PLXNA4: variants seen among roughly 807,000 people sequenced by gnomAD.
The protein encoded by PLXNA4 is plexin-A4.
Under a neutral mutation model 191.8 loss-of-function variants are expected in PLXNA4, and 44 were observed. The observed-to-expected ratio is 0.23, with a 90% CI of 0.18 to 0.29. PLXNA4 has a LOEUF of 0.29. Among genes scored for constraint, PLXNA4 ranks in the 10% least tolerant of loss-of-function variants. PLXNA4 has a pLI of 1.00. For synonymous variants in PLXNA4, 1,082 were observed against 1,009.5 expected, an observed-to-expected ratio of 1.07 and a Z score of -1.36; for missense variants, 1,800 against 2,488.8, an observed-to-expected ratio of 0.72 and a Z score of 5.89.
chr7:132,555,607 C>T (rs563488531), intron 1 of PLXNA4, among the ~76,000 whole-genome samples: 1 of 152,150 alleles, frequency 6.6e-6, no homozygotes, highest in South Asian at 2.1e-4. Flanking sequence ...TAGAGCAGTC[C>T]CTTATTTTAC....
intron 2 of PLXNA4, among the ~76,000 whole-genome samples, chr7:132,638,970 G>A (rs1443081843): frequency 6.6e-6 from 1 of 152,096 alleles, no homozygotes; most frequent in Non-Finnish European, 1.5e-5. Context: ...AGGTCCTCAG[G>A]AATTACACCC....
chr7:132,510,225 A>C (rs571000752), intron 1 of PLXNA4, among the ~76,000 whole-genome samples: 1 of 152,300 alleles, frequency 6.6e-6, no homozygotes, highest in Admixed American at 6.5e-5. Flanking sequence ...AAAAGTAGAG[A>C]ATGAGAAGAG....
chr7:132,456,493 AAC>A (rs1255410215), intron 3 of PLXNA4, among the ~76,000 whole-genome samples: 2 of 152,168 alleles, frequency 1.3e-5, no homozygotes, highest in African/African-American at 4.8e-5. Flanking sequence ...GGAGGTACAG[AAC>A]TAAGCCAAAA....
upstream of PLXNA4, among the ~76,000 whole-genome samples, chr7:132,581,662 C>T (rs893611314): frequency 8.5e-5 from 13 of 152,146 alleles, no homozygotes; most frequent in Non-Finnish European, 1.6e-4. Flanking sequence ...GCTCTGCTGC[C>T]GTGCCATGGC....
intron 9 of PLXNA4, among the ~76,000 whole-genome samples, chr7:132,215,710 C>T (rs1443549989): frequency 6.6e-6 from 1 of 151,970 alleles, no homozygotes; most frequent in African/African-American, 2.4e-5. Flanking sequence ...ATCAATCATG[C>T]CTATGTAAAT....
chr7:132,358,056 A>T (rs1803782482), intron 3 of PLXNA4, among the ~76,000 whole-genome samples: 1 of 152,232 alleles, frequency 6.6e-6, no homozygotes, highest in Non-Finnish European at 1.5e-5. Context: ...GGAGATGAGG[A>T]TTTGTGAACA....
At chr7:132,270,478 A>G (rs1327583147) in intron 4 of PLXNA4, among the ~76,000 whole-genome samples, 1 of 152,244 alleles carries the variant, frequency 6.6e-6, no homozygotes, top group Admixed American at 6.5e-5. Context: ...GAGTTCAGAA[A>G]GTAAAGGTTG....
chr7:132,251,729 G>A (rs1189009700), intron 4 of PLXNA4, among the ~76,000 whole-genome samples: 1 of 152,232 alleles, frequency 6.6e-6, no homozygotes, highest in East Asian at 1.9e-4. Context: ...AGATGTGCAT[G>A]TCTCAGCACA....
intron 24 of PLXNA4, among the ~76,000 whole-genome samples, chr7:132,162,588 G>A (rs148306065): frequency 5.9e-5 from 9 of 152,224 alleles, no homozygotes; most frequent in Admixed American, 3.3e-4. Context: ...AGACATTTAC[G>A]CAGTACTTCT....
At chr7:132,587,763 C>A (rs1176134292) in intron 2 of PLXNA4, among the ~76,000 whole-genome samples, 2 of 151,858 alleles carry the variant, frequency 1.3e-5, no homozygotes, top group Non-Finnish European at 2.9e-5. Flanking sequence ...TCAATTAAAC[C>A]CTGCCTCTCC....
rs569570881 is a variant in PLXNA4, at chr7:132,621,017, A to G, written c.-87+24911T>C. On this transcript the variant is annotated intron_variant, in intron 2 of 4. Coordinates refer to the PLXNA4 transcript ENST00000378539. ...CTCTCATGTCTTTTCTTATAAGGGCACTAATTTCATTCATGAGGGCTCCAC... is the reference window on the plus strand; with the variant it reads ...CTCTCATGTCTTTTCTTATAAGGGCGCTAATTTCATTCATGAGGGCTCCAC... Among the ~76,000 whole-genome samples the G allele has an allele frequency of 1.6e-4, 25 of 152,222 alleles. No homozygotes were observed. The East Asian group carries it at 2.1e-3, about 13-fold the overall frequency.
chr7:132,241,217 G>A (rs773353277), intron 4 of PLXNA4, 51 bp from the exon 5 acceptor site: 1 of 1,290,252 alleles, frequency 7.8e-7, no homozygotes, highest in East Asian at 2.4e-5. Flanking sequence ...AGAACACCCA[G>A]CAGTGTACCA....
chr7:132,594,978 T>G (rs1415607943), intron 2 of PLXNA4, among the ~76,000 whole-genome samples: 1 of 29,260 alleles, frequency 3.4e-5, no homozygotes, highest in Non-Finnish European at 1.0e-4. Context: ...TGATAGATAA[T>G]AGATAGATAG....
chr7:132,430,041 A>C (rs935353613), intron 3 of PLXNA4, among the ~76,000 whole-genome samples: 61 of 152,278 alleles, frequency 4.0e-4, no homozygotes, highest in African/African-American at 1.4e-3. Context: ...CTCTCTATGC[A>C]GAGGGTATTT....
chr7:132,329,423 G>C (rs1336959121), intron 3 of PLXNA4, among the ~76,000 whole-genome samples: 1 of 152,120 alleles, frequency 6.6e-6, no homozygotes, highest in African/African-American at 2.4e-5. Context: ...CCTCCTGTTT[G>C]TGCCCCCCAG....
At chr7:132,460,391 A>C (rs1366533529) in intron 3 of PLXNA4, among the ~76,000 whole-genome samples, 3 of 151,620 alleles carry the variant, frequency 2.0e-5, no homozygotes, top group Non-Finnish European at 4.4e-5. Context: ...AAAAACCTCA[A>C]ATTGTAATTT....
intron 2 of PLXNA4, among the ~76,000 whole-genome samples, chr7:132,585,358 T>C (rs1802489266): frequency 6.6e-6 from 1 of 152,184 alleles, no homozygotes; most frequent in South Asian, 2.1e-4. Flanking sequence ...CATAGTGTTA[T>C]TAATGTTATC....
intron 2 of PLXNA4, among the ~76,000 whole-genome samples, chr7:132,499,716 G>A (rs1433496547): frequency 1.3e-5 from 2 of 152,276 alleles, no homozygotes; most frequent in South Asian, 2.1e-4. Flanking sequence ...CTCATTAGTG[G>A]AAATAAATTT....
In PLXNA4 at chr7:132,227,440, G is replaced by A. The variant is rs368052325; in HGVS notation, c.1882+11C>T. ...AGAAGTGCCACTCAGCTGTGCCTCC[G>A]GGATGCTCACCATTCTCTGTGATGA... On this transcript the variant is annotated intron_variant, in intron 7 of 31. Transcript: ENST00000321063. The A allele has an allele frequency of 6.9e-5, 111 of 1,613,834 alleles. No individual in the cohort carries two copies. The highest frequency in any genetic ancestry group is 8.5e-5 in the Non-Finnish European group (100 of 1,179,978).
Sources: allele counts gnomAD v4.1 joint callset (sites outside exome capture counted in the v4.1 genomes callset), GRCh38; gene constraint gnomAD v4.1.1; transcripts MANE v1.5; gene names NCBI Gene and HGNC (gene_info 2026-07-23, HGNC 2026-07-21).